The following ATP10B variants were observed in gnomAD, a reference collection of about 807,000 sequenced individuals.
ATP10B encodes the protein phospholipid-transporting ATPase VB.
In ATP10B, 122 loss-of-function variants were observed where a neutral mutation model predicts 141.2. That is an observed-to-expected ratio of 0.86 (90% CI 0.75 to 1.00). The LOEUF (loss-of-function observed/expected upper bound fraction) is 1.00. Among genes scored for constraint, ATP10B ranks in the 50% least tolerant of loss-of-function variants. The pLI is 0.00. For synonymous variants in ATP10B, 685 were observed against 692.0 expected, an observed-to-expected ratio of 0.99 and a Z score of 0.16; for missense variants, 1,876 against 1,825.3, an observed-to-expected ratio of 1.03 and a Z score of -0.51.
At chr5:160,815,143 C>T (rs545126260) in intron 1 of ATP10B, among the ~76,000 whole-genome samples, 5 of 152,050 alleles carry the variant, frequency 3.3e-5, no homozygotes, top group African/African-American at 4.8e-5. Flanking sequence ...CAATATTAAC[C>T]TTAAATGTAA....
At chr5:160,741,200 T>A (rs1767451740) in intron 2 of ATP10B, among the ~76,000 whole-genome samples, 1 of 152,198 alleles carries the variant, frequency 6.6e-6, no homozygotes, top group South Asian at 2.1e-4. Flanking sequence ...GAACACTCTT[T>A]TACCCTGAAG....
chr5:160,847,611 C>A (rs73796906), intron 1 of ATP10B, among the ~76,000 whole-genome samples: 79 of 152,270 alleles, frequency 5.2e-4, no homozygotes, highest in Admixed American at 1.6e-3. Flanking sequence ...TCTCCTTAAA[C>A]AGAATAAGTA....
the ATP10B span, among the ~76,000 whole-genome samples, chr5:160,885,332 G>A: frequency 1.3e-5 from 2 of 152,226 alleles, no homozygotes; most frequent in Non-Finnish European, 2.9e-5. Context: ...TGGCCCAGAT[G>A]GGGAATGTGA....
At chr5:160,587,974 T>G (rs572850658) in intron 24 of ATP10B, among the ~76,000 whole-genome samples, 1 of 152,302 alleles carries the variant, frequency 6.6e-6, no homozygotes, top group East Asian at 1.9e-4. Context: ...CCTGAGCTCC[T>G]GAGTAGCTGG....
intron 22 of ATP10B, among the ~76,000 whole-genome samples, chr5:160,595,396 G>A (rs1169548174): frequency 6.6e-6 from 1 of 152,084 alleles, no homozygotes; most frequent in Non-Finnish European, 1.5e-5. Context: ...AAAGCAGTGT[G>A]TAGAGGGAAA....
At chr5:160,830,431 G>A (rs1356160618) in intron 1 of ATP10B, among the ~76,000 whole-genome samples, 1 of 152,022 alleles carries the variant, frequency 6.6e-6, no homozygotes, top group East Asian at 1.9e-4. Context: ...ATAAATACAT[G>A]TTTTCTGTAT....
chr5:160,855,519 C>T (rs1171231248), upstream of ATP10B, among the ~76,000 whole-genome samples: 5 of 150,386 alleles, frequency 3.3e-5, no homozygotes, highest in African/African-American at 9.8e-5. Context: ...ATATACTATA[C>T]CTTTGTCGGA....
At chr5:160,812,055 A>AGG (rs1554119663) in intron 1 of ATP10B, among the ~76,000 whole-genome samples, 9 of 124,194 alleles carry the variant, frequency 7.2e-5, no homozygotes, top group South Asian at 2.5e-4. Context: ...AGAGAGAGAG[A>AGG]GAGAGGGAGA....
intron 2 of ATP10B, among the ~76,000 whole-genome samples, chr5:160,783,871 G>C (rs1007141698): frequency 7.9e-5 from 12 of 151,894 alleles, no homozygotes; most frequent in African/African-American, 2.9e-4. Context: ...AGTGTTCCCT[G>C]TTCACCGCCT....
rs149559355 is a variant in ATP10B at position 160,831,270 on chromosome 5, G to A, written c.-576+20671C>T. On this transcript the variant is annotated intron_variant, in intron 1 of 25. Coordinates refer to ENST00000327245, the MANE Select transcript of ATP10B (RefSeq NM_025153.3). Reference sequence around the variant, plus strand: ...GGCATATAGTAAGTTCTTAATTAATGGTGACTCTACCTAGCATAGAATTTT... The same window carrying A: ...GGCATATAGTAAGTTCTTAATTAATAGTGACTCTACCTAGCATAGAATTTT... Among the ~76,000 whole-genome samples the A allele has an allele frequency of 2.9e-3, 448 of 151,872 alleles. 2 individuals are homozygous for A. The highest frequency in any genetic ancestry group is 4.0e-3 in the Admixed American group (61 of 15,218).
the ATP10B span, among the ~76,000 whole-genome samples, chr5:160,862,193 C>T: frequency 6.6e-6 from 1 of 151,936 alleles, no homozygotes; most frequent in Non-Finnish European, 1.5e-5. Flanking sequence ...TAGATGTTGC[C>T]ATGAAGGCGT....
chr5:160,589,530 T>A, intron 24 of ATP10B, 62 bp downstream of exon 24: 1 of 1,287,140 alleles, frequency 7.8e-7, no homozygotes, highest in Non-Finnish European at 1.1e-6. Flanking sequence ...AATTCAGAAA[T>A]TTGAGTATAG....
rs545556342 is a variant in ATP10B, at chr5:160,805,864, C to T, written c.-575-20061G>A. Reference sequence around the variant, plus strand: ...CATATTTATATTTACTATAAGGAATCGGCTCACACAATGATGGAGGCCAAG... The same window carrying T: ...CATATTTATATTTACTATAAGGAATTGGCTCACACAATGATGGAGGCCAAG... On this transcript the variant is annotated intron_variant, in intron 1 of 25. Transcript: ENST00000327245. Among the ~76,000 whole-genome samples, 300 of 152,212 alleles carry T rather than the reference C, an allele frequency of 2.0e-3. 8 individuals carry two copies. The South Asian group carries it at 0.046, about 23-fold the overall frequency.
chr5:160,801,774 C>T (rs545813916), intron 1 of ATP10B, among the ~76,000 whole-genome samples: 2 of 152,168 alleles, frequency 1.3e-5, no homozygotes, highest in Non-Finnish European at 2.9e-5. Context: ...GTTAATGAGA[C>T]AGAATCGAAA....
chr5:160,914,713 G>A, the ATP10B span, among the ~76,000 whole-genome samples: 9 of 152,260 alleles, frequency 5.9e-5, no homozygotes, highest in African/African-American at 1.7e-4. Context: ...AAGATCATAC[G>A]CCCAGGTACT....
At chr5:160,890,142 G>A in the ATP10B span, among the ~76,000 whole-genome samples, 1 of 152,172 alleles carries the variant, frequency 6.6e-6, no homozygotes, top group African/African-American at 2.4e-5. Context: ...TAAACTCCAT[G>A]AAGGCAGAGA....
At chr5:160,626,996 T>C (rs1415650551) in intron 13 of ATP10B, among the ~76,000 whole-genome samples, 1 of 152,190 alleles carries the variant, frequency 6.6e-6, no homozygotes. Context: ...GTTCCTCTTA[T>C]GTCTCTATTT....
At chr5:160,928,087 C>T in the ATP10B span, among the ~76,000 whole-genome samples, 56 of 152,082 alleles carry the variant, frequency 3.7e-4, no homozygotes, top group South Asian at 0.011. Context: ...GGGGAGAGGG[C>T]CAGATTTAGA....
chr5:160,752,970 A>G (rs1164559719), intron 2 of ATP10B, among the ~76,000 whole-genome samples: 1 of 152,244 alleles, frequency 6.6e-6, no homozygotes, highest in African/African-American at 2.4e-5. Context: ...TGCTTTAAGA[A>G]TTACATTTGC....
Sources: allele counts gnomAD v4.1 joint callset (sites outside exome capture counted in the v4.1 genomes callset), GRCh38; gene constraint gnomAD v4.1.1; transcripts MANE v1.5; gene names NCBI Gene and HGNC (gene_info 2026-07-23, HGNC 2026-07-21).